Variants in CNTNAP2 observed in about 807,000 individuals in gnomAD.
CNTNAP2 encodes contactin associated protein 2.
In CNTNAP2, 98 loss-of-function variants were observed where a neutral mutation model predicts 155.2. The observed-to-expected ratio is 0.63, with a 90% confidence interval of 0.54 to 0.75. The LOEUF (loss-of-function observed/expected upper bound fraction) is 0.75. Ranked by LOEUF, CNTNAP2 falls within the 30% of genes least tolerant of loss-of-function variation. The probability of loss-of-function intolerance (pLI) is 0.00; values close to 1 mark genes in which losing one functional copy is unlikely to be tolerated. For synonymous variants in CNTNAP2, 651 were observed against 631.2 expected, an observed-to-expected ratio of 1.03 and a Z score of -0.47; for missense variants, 1,727 against 1,688.1, an observed-to-expected ratio of 1.02 and a Z score of -0.40.
At chr7:146,665,783 T>TAAAAAAACAAAAAAAAAAAAAA (rs1554464843) in intron 1 of CNTNAP2, among the ~76,000 whole-genome samples, 3 of 48,278 alleles carry the variant, frequency 6.2e-5, no homozygotes, top group African/African-American at 3.4e-4. Context: ...TCTGTCTCAT[T>TAAAAAAACAAAAAAAAAAAAAA]AAAAAAAAAA....
intron 1 of CNTNAP2, among the ~76,000 whole-genome samples, chr7:146,287,463 A>G (rs1800355343): frequency 6.6e-6 from 1 of 152,146 alleles, no homozygotes; most frequent in African/African-American, 2.4e-5. Flanking sequence ...TTTTGAAGAC[A>G]TATTATGATT....
intron 1 of CNTNAP2, among the ~76,000 whole-genome samples, chr7:146,301,127 A>G (rs543099852): frequency 1.2e-4 from 19 of 152,266 alleles, no homozygotes; most frequent in Non-Finnish European, 2.2e-4. Context: ...GGTCAACAGA[A>G]TCAAAGCAAA....
chr7:146,176,898 T>A (rs1276773350), intron 1 of CNTNAP2, among the ~76,000 whole-genome samples: 3 of 152,216 alleles, frequency 2.0e-5, no homozygotes, highest in African/African-American at 7.2e-5. Context: ...CCTCTAGCTA[T>A]AGCCACAAGT....
At chr7:147,371,090 C>T (rs1468467934) in intron 9 of CNTNAP2, among the ~76,000 whole-genome samples, 2 of 152,138 alleles carry the variant, frequency 1.3e-5, no homozygotes, top group African/African-American at 4.8e-5. Context: ...ACGCTAAATT[C>T]ACCTCACAAA....
At chr7:147,334,604 CA>C (rs1795634481) in intron 9 of CNTNAP2, among the ~76,000 whole-genome samples, 1 of 152,060 alleles carries the variant, frequency 6.6e-6, no homozygotes. Context: ...AACTGATCTG[CA>C]CAATTTGGAG....
intron 11 of CNTNAP2, among the ~76,000 whole-genome samples, chr7:147,501,374 C>T (rs920345149): frequency 4.6e-5 from 7 of 152,052 alleles, no homozygotes; most frequent in Admixed American, 1.3e-4. Flanking sequence ...CACTGAAAGT[C>T]GTAAGCAGAG....
chr7:148,165,515 C>A (rs551783647), intron 17 of CNTNAP2, among the ~76,000 whole-genome samples: 1 of 152,258 alleles, frequency 6.6e-6, no homozygotes, highest in South Asian at 2.1e-4. Context: ...ATAGAATGTG[C>A]CTATACTCAA....
intron 1 of CNTNAP2, among the ~76,000 whole-genome samples, chr7:146,391,056 ACT>A (rs1360046697): frequency 6.8e-6 from 1 of 148,108 alleles, no homozygotes; most frequent in East Asian, 1.9e-4. Context: ...ACATAGTGAG[ACT>A]CTGTCTAAAA....
chr7:147,883,414 G>T (rs1460526674), intron 13 of CNTNAP2, among the ~76,000 whole-genome samples: 1 of 152,120 alleles, frequency 6.6e-6, no homozygotes, highest in East Asian at 1.9e-4. Context: ...AAAGAATAGA[G>T]ATGTGATATA....
chr7:146,668,041 C>T (rs1270948567), intron 1 of CNTNAP2, among the ~76,000 whole-genome samples: 1 of 151,940 alleles, frequency 6.6e-6, no homozygotes, highest in Non-Finnish European at 1.5e-5. Flanking sequence ...GCATCTTTGT[C>T]TTTTTTCCAG....
intron 1 of CNTNAP2, among the ~76,000 whole-genome samples, chr7:146,413,049 T>C (rs555961793): frequency 6.6e-6 from 1 of 151,886 alleles, no homozygotes; most frequent in Admixed American, 6.5e-5. Flanking sequence ...TTACACAAAC[T>C]GCGTTGCAGA....
At chr7:148,183,470 A>G (rs2972104) in intron 18 of CNTNAP2, among the ~76,000 whole-genome samples, 34,718 of 124,282 alleles carry the variant, frequency 0.28, 5,032 homozygotes, top group African/African-American at 0.43. Flanking sequence ...AGAAATACTT[A>G]TTTGCTTTTT....
intron 1 of CNTNAP2, among the ~76,000 whole-genome samples, chr7:146,602,151 T>G (rs1484499156): frequency 1.3e-5 from 2 of 152,048 alleles, no homozygotes; most frequent in Non-Finnish European, 2.9e-5. Context: ...AAAACTGGGT[T>G]TGATGTTAGG....
At chr7:148,281,287 C>G (rs1796970190) in intron 21 of CNTNAP2, among the ~76,000 whole-genome samples, 1 of 152,232 alleles carries the variant, frequency 6.6e-6, no homozygotes, top group African/African-American at 2.4e-5. Flanking sequence ...CCTGCAACTT[C>G]TCTCAAGGAA....
At chr7:148,078,368 C>G (rs923934789) in intron 15 of CNTNAP2, among the ~76,000 whole-genome samples, 6 of 152,196 alleles carry the variant, frequency 3.9e-5, no homozygotes, top group African/African-American at 1.4e-4. Context: ...TGAGCCACCC[C>G]ACCTGGCCAC....
At chr7:147,886,753 T>C (rs747108910) in intron 13 of CNTNAP2, among the ~76,000 whole-genome samples, 42 of 152,156 alleles carry the variant, frequency 2.8e-4, no homozygotes, top group Non-Finnish European at 5.0e-4. Context: ...CCAGCCCCAG[T>C]TGAGACCCAC....
intron 14 of CNTNAP2, among the ~76,000 whole-genome samples, chr7:147,905,160 C>A (rs1799938978): frequency 6.6e-6 from 1 of 152,154 alleles, no homozygotes; most frequent in Non-Finnish European, 1.5e-5. Flanking sequence ...GTTCTTGATG[C>A]CTTTTATTAC....
rs565942299 is a variant in CNTNAP2 at position 146,372,647 on chromosome 7, A to G, written c.97+255674A>G. On this transcript the variant is annotated intron_variant, in intron 1 of 23. Coordinates refer to ENST00000361727, the MANE Select transcript of CNTNAP2 (RefSeq NM_014141.6). The stretch of plus-strand genomic sequence containing the variant: ...GCGAGTAAGAAGGAATATAAGCTCT[A>G]TTGTTAATAAACCTAGACGTACCCT... 4.6e-5 allele frequency among the ~76,000 whole-genome samples: 7 copies of G among 152,324 alleles called. No individual in the cohort carries two copies. The East Asian group carries it at 1.2e-3, about 25-fold the overall frequency.
In CNTNAP2 at chr7:146,785,647, G is replaced by A. The variant is rs374137977; in HGVS notation, c.208+11266G>A. Among the ~76,000 whole-genome samples the A allele has an allele frequency of 6.0e-4, 92 of 152,268 alleles. 2 individuals carry two copies. Among genetic ancestry groups the A allele is most frequent in the African/African-American group, 5.8e-4 (24 of 41,572 alleles). On this transcript the variant is annotated intron_variant, in intron 2 of 23. Coordinates refer to ENST00000361727, the MANE Select transcript of CNTNAP2 (RefSeq NM_014141.6). Reference sequence around the variant, plus strand: ...CACTGTCGTAGCCAATTGGAATCTAGACTATAATAGCAGATGAGTAACAAC... The same window carrying A: ...CACTGTCGTAGCCAATTGGAATCTAAACTATAATAGCAGATGAGTAACAAC...
Sources: gnomAD v4.1 joint callset for allele counts (sites outside exome capture counted in the v4.1 genomes callset) on GRCh38, gnomAD v4.1.1 for gene constraint, MANE v1.5 for transcripts, NCBI Gene and HGNC (gene_info 2026-07-23, HGNC 2026-07-21) for gene names.